The following HMCN1 variants were observed in gnomAD, a reference collection of about 807,000 sequenced individuals.
The protein encoded by HMCN1 is hemicentin-1.
Under a neutral mutation model 625.9 loss-of-function variants are expected in HMCN1, and 321 were observed. The ratio of observed to expected loss-of-function variants is 0.51; its 90% CI spans 0.47 to 0.56. The LOEUF (loss-of-function observed/expected upper bound fraction) is 0.56, where lower values mean the gene tolerates loss of function less well. Among genes scored for constraint, HMCN1 ranks in the 20% least tolerant of loss-of-function variants. HMCN1 has a pLI of 0.00. For missense variants in HMCN1, 6,588 were observed against 6,887.3 expected, an observed-to-expected ratio of 0.96 and a Z score of 1.54; for synonymous variants, 2,425 against 2,417.6, an observed-to-expected ratio of 1.00 and a Z score of -0.09.
intron 102 of HMCN1, 97 bp downstream of exon 102, chr1:186,172,228 C>A: frequency 6.6e-7 from 1 of 1,510,590 alleles, no homozygotes; most frequent in Non-Finnish European, 9.2e-7. Flanking sequence ...TAAATTTAAG[C>A]TAACAAGGAA....
At chr1:185,834,405 T>C (rs1456793460) in intron 1 of HMCN1, among the ~76,000 whole-genome samples, 1 of 152,034 alleles carries the variant, frequency 6.6e-6, no homozygotes, top group African/African-American at 2.4e-5. Context: ...GCTACTCACA[T>C]GGTTGTTGGC....
In HMCN1 at chr1:186,166,928, G is replaced by C. The variant is rs936143486; in HGVS notation, c.15560G>C (p.Gly5187Ala). ...AGTGGCTTTCGAAGAACCTCTGATG[G>C]GCTGAGTTGTCAAGGTATAAAAATG... is the stretch of plus-strand genomic sequence containing the variant. ...CGSGFRRTSD[G>A]LSCQDINECQ... The change falls in exon 100 of 107, where the codon GGG becomes GCG. Residue 5187 changes from glycine (G) to alanine (A), a missense_variant. Transcript: ENST00000271588. The C allele has an allele frequency of 6.2e-7, 1 of 1,614,106 alleles. No individual in the cohort carries two copies. Among genetic ancestry groups the C allele is most frequent in the East Asian group, 2.2e-5 (1 of 44,880 alleles).
chr1:186,102,247 T>C (rs1245971312), intron 68 of HMCN1, among the ~76,000 whole-genome samples: 2 of 152,036 alleles, frequency 1.3e-5, no homozygotes, highest in Non-Finnish European at 2.9e-5. Flanking sequence ...GTAAGATAGA[T>C]AGAAGTAAAA....
intron 41 of HMCN1, 79 bp from the exon 42 acceptor site, chr1:186,048,664 A>G: frequency 1.2e-6 from 1 of 854,022 alleles, no homozygotes; most frequent in Non-Finnish European, 2.0e-6. Flanking sequence ...AAAAATAAGA[A>G]ATAGATCACA....
At chr1:186,135,120 T>G (rs1424600632) in intron 86 of HMCN1, among the ~76,000 whole-genome samples, 1 of 152,204 alleles carries the variant, frequency 6.6e-6, no homozygotes, top group Non-Finnish European at 1.5e-5. Context: ...CCCAATGAAG[T>G]CTGTCATATT....
chr1:186,012,411 T>G (rs1654059897), intron 30 of HMCN1, among the ~76,000 whole-genome samples: 1 of 152,016 alleles, frequency 6.6e-6, no homozygotes, highest in Non-Finnish European at 1.5e-5. Context: ...ATTTTTTTTT[T>G]GTACTTTCAT....
chr1:185,786,587 A>G (rs1657584386), intron 1 of HMCN1, among the ~76,000 whole-genome samples: 1 of 152,190 alleles, frequency 6.6e-6, no homozygotes, highest in Admixed American at 6.5e-5. Context: ...AGCAGTTGCA[A>G]TGGATCACTG....
In HMCN1 at chr1:186,015,372, C is replaced by T. The variant is rs374291671; in HGVS notation, c.4844C>T (p.Thr1615Ile). Residue 1615 changes from threonine (T) to isoleucine (I), a missense_variant, in exon 31 of 107, where the codon ACA (threonine) becomes ATA (isoleucine). This residue lies in a region of HMCN1 where 4,628 missense variants were observed against 4,853.1 expected (regional missense o/e 0.95). Coordinates refer to ENST00000271588, the MANE Select transcript of HMCN1 (RefSeq NM_031935.3). ...IPRAQVSDSA[T>I]YTCHVANVAG... ...CGAGCACAGGTCTCTGATTCAGCAA[C>T]ATATACGTGTCATGTAGCCAATGTT... 4.3e-6 allele frequency: 7 copies of T among 1,613,546 alleles called. No homozygotes were observed. Among genetic ancestry groups the T allele is most frequent in the Non-Finnish European group, 5.9e-6 (7 of 1,179,716 alleles).
At chr1:185,871,228 CAAA>C (rs556627020) in intron 4 of HMCN1, among the ~76,000 whole-genome samples, 4 of 67,348 alleles carry the variant, frequency 5.9e-5, no homozygotes, top group Non-Finnish European at 6.5e-5. Context: ...GACTCCGTCT[CAAA>C]AAAAAAAAAA....
intron 11 of HMCN1, among the ~76,000 whole-genome samples, chr1:185,955,533 A>G (rs1649560840): frequency 6.6e-6 from 1 of 152,146 alleles, no homozygotes; most frequent in South Asian, 2.1e-4. Flanking sequence ...ATGTGTAACT[A>G]ATTCTGAATT....
Position 185,995,012 on chromosome 1 carries a change from G to A in HMCN1, c.3703G>A (p.Asp1235Asn), listed in dbSNP as rs1463611407. The change falls in exon 24 of 107, where the codon GAT (aspartate) becomes AAT (asparagine). Residue 1235 changes from aspartate to asparagine, a missense_variant. Coordinates refer to ENST00000271588, the MANE Select transcript of HMCN1 (RefSeq NM_031935.3). ...TLSIDQATPS[D>N]AGIYTCVATN... ...AAGCATCGACCAAGCCACGCCCTCA[G>A]ATGCTGGCATATATACATGTGTTGC... The A allele has an allele frequency of 1.2e-6, 2 of 1,613,818 alleles. No homozygotes were observed. The highest frequency in any genetic ancestry group is 1.7e-6 in the Non-Finnish European group (2 of 1,179,822).
intron 1 of HMCN1, among the ~76,000 whole-genome samples, chr1:185,748,496 A>G (rs1352481691): frequency 6.6e-6 from 1 of 152,144 alleles, no homozygotes; most frequent in Non-Finnish European, 1.5e-5. Flanking sequence ...ATCCCTTTCT[A>G]TATTTATTGT....
At chr1:186,103,029 C>A (rs928261166) in intron 68 of HMCN1, among the ~76,000 whole-genome samples, 15 of 152,048 alleles carry the variant, frequency 9.9e-5, no homozygotes, top group African/African-American at 3.6e-4. Context: ...TCTCAAAGTT[C>A]TGCATGGAAA....
chr1:186,085,750 T>G (rs1170507314), intron 57 of HMCN1, among the ~76,000 whole-genome samples: 1 of 152,014 alleles, frequency 6.6e-6, no homozygotes, highest in Non-Finnish European at 1.5e-5. Flanking sequence ...TTCCTTCTTG[T>G]TTAAATAAGA....
intron 32 of HMCN1, 97 bp downstream of exon 32, chr1:186,016,336 A>G: frequency 1.7e-6 from 2 of 1,198,048 alleles, no homozygotes; most frequent in Non-Finnish European, 2.4e-6. Flanking sequence ...AAAACAATCT[A>G]AAAGAAGGTA....
At chr1:185,938,725 A>C (rs796141149) in intron 11 of HMCN1, among the ~76,000 whole-genome samples, 3 of 151,936 alleles carry the variant, frequency 2.0e-5, no homozygotes, top group African/African-American at 7.2e-5. Flanking sequence ...ACTTTAACAG[A>C]CTGATGTTGG....
chr1:186,065,013 C>G (rs1016248335), intron 48 of HMCN1, among the ~76,000 whole-genome samples: 6 of 152,048 alleles, frequency 3.9e-5, no homozygotes, highest in Middle Eastern at 3.4e-3. Flanking sequence ...GAACACTAAC[C>G]TACATTTGAA....
chr1:185,993,420 G>GA (rs1276605644), intron 23 of HMCN1, 111 bp downstream of exon 23: 2 of 1,227,604 alleles, frequency 1.6e-6, no homozygotes, highest in Non-Finnish European at 2.3e-6. Flanking sequence ...AGTGATTAAA[G>GA]AAAAAAATTC....
At chr1:185,965,228 G>C (rs1031925267) in intron 13 of HMCN1, among the ~76,000 whole-genome samples, 9 of 152,132 alleles carry the variant, frequency 5.9e-5, no homozygotes, top group Non-Finnish European at 1.0e-4. Context: ...ACAGGGAAAA[G>C]AAGGGTCAAA....
Sources: allele counts gnomAD v4.1 joint callset (sites outside exome capture counted in the v4.1 genomes callset), GRCh38; gene constraint gnomAD v4.1.1; regional missense constraint gnomAD v4.1.1; transcripts MANE v1.5; gene names NCBI Gene and HGNC (gene_info 2026-07-23, HGNC 2026-07-21).